Variants in RBM47 observed in about 807,000 individuals in gnomAD.
RBM47 encodes RNA-binding protein 47.
Under a neutral mutation model 47.1 loss-of-function variants are expected in RBM47, and 21 were observed. The ratio of observed to expected loss-of-function variants is 0.45; its 90% confidence interval spans 0.32 to 0.64. The LOEUF (loss-of-function observed/expected upper bound fraction) is 0.64. RBM47 is among the 30% of genes least tolerant of loss of function. RBM47 has a pLI of 0.05. For synonymous variants in RBM47, 375 were observed against 361.7 expected, an observed-to-expected ratio of 1.04 and a Z score of -0.42; for missense variants, 708 against 870.9, an observed-to-expected ratio of 0.81 and a Z score of 2.35.
At chr4:40,470,193 T>C (rs1718644550) in intron 2 of RBM47, among the ~76,000 whole-genome samples, 1 of 152,106 alleles carries the variant, frequency 6.6e-6, no homozygotes, top group Admixed American at 6.5e-5. Flanking sequence ...TTCCAGACAT[T>C]AATGGCGTTA....
chr4:40,431,244 G>A (rs1715943906), intron 6 of RBM47, among the ~76,000 whole-genome samples: 1 of 152,152 alleles, frequency 6.6e-6, no homozygotes, highest in Non-Finnish European at 1.5e-5. Flanking sequence ...TGTCCTATAA[G>A]GTGAAGATAC....
chr4:40,434,003 GTGTGTGT>G lies in RBM47; in HGVS notation c.1331-1148_1331-1142del, dbSNP rs796975461. ...GTGAGTGTGTGTGTGTGGGGCGGGG[GTGTGTGT>G]GTGTGTGTGTGTGTGTGTGTGTGTG... On this transcript the variant is annotated intron_variant, in intron 5 of 6. Coordinates refer to ENST00000295971, the MANE Select transcript of RBM47 (RefSeq NM_001098634.2). Among the ~76,000 whole-genome samples, 208 of 80,094 alleles carry G rather than the reference GTGTGTGT, an allele frequency of 2.6e-3. 23 individuals carry two copies. Among genetic ancestry groups the G allele is most frequent in the African/African-American group, 6.4e-3 (117 of 18,284 alleles). 52.5% of individuals were successfully genotyped at this position (80,094 alleles called of 152,430 possible). A position where few individuals can be genotyped will look rare whatever the true frequency, so the allele number is the denominator to read the frequency against.
chr4:40,487,455 A>C (rs1721256262), intron 2 of RBM47, among the ~76,000 whole-genome samples: 1 of 152,002 alleles, frequency 6.6e-6, no homozygotes, highest in African/African-American at 2.4e-5. Context: ...ATGCCCAGCT[A>C]ATTTTTGTAT....
chr4:40,455,474 C>G (rs374187635), intron 3 of RBM47: 1 of 152,076 alleles, frequency 6.6e-6, no homozygotes, highest in African/African-American at 2.4e-5. Context: ...TTAAAAAGTA[C>G]CTGGCTGGTT....
intron 1 of RBM47, among the ~76,000 whole-genome samples, chr4:40,629,079 T>C (rs1737995293): frequency 6.6e-6 from 1 of 152,064 alleles, no homozygotes; most frequent in Non-Finnish European, 1.5e-5. Context: ...CCTGTGCTTC[T>C]GGGCGGTCCA....
At chr4:40,457,290 C>T (rs914313691) in intron 3 of RBM47, among the ~76,000 whole-genome samples, 2 of 151,554 alleles carry the variant, frequency 1.3e-5, no homozygotes, top group Non-Finnish European at 2.9e-5. Flanking sequence ...GCGTGGTGGC[C>T]TGGTGCCTGT....
chr4:40,432,697 G>C lies in RBM47; in HGVS notation c.1496C>G (p.Ala499Gly), dbSNP rs370564777. 53 of 1,591,504 alleles carry C rather than the reference G, an allele frequency of 3.3e-5. No homozygotes were observed. The highest frequency in any genetic ancestry group is 4.4e-5 in the Non-Finnish European group (51 of 1,165,502). ...AAAAAAAAAA[A>G]AAAVIPTVST... ...CACAGTGGGAATGACAGCGGCTGCG[G>C]CGGCTGCGGCCGCGGCTGCGGCGGC... is the stretch of plus-strand genomic sequence containing the variant. Residue 499 changes from alanine to glycine, a missense_variant, in exon 6 of 7, where the codon GCC becomes GGC. Coordinates refer to ENST00000295971, the MANE Select transcript of RBM47 (RefSeq NM_001098634.2).
At chr4:40,459,634 C>T (rs968493609) in intron 3 of RBM47, among the ~76,000 whole-genome samples, 2 of 152,106 alleles carry the variant, frequency 1.3e-5, no homozygotes, top group Non-Finnish European at 2.9e-5. Context: ...GAACTGGGTA[C>T]AAATAGTCAT....
At chr4:40,433,655 T>C (rs2154210644) in intron 5 of RBM47, among the ~76,000 whole-genome samples, 1 of 152,210 alleles carries the variant, frequency 6.6e-6, no homozygotes, top group East Asian at 1.9e-4. Context: ...TTCACCACTA[T>C]TTAAGAAACA....
chr4:40,592,576 C>T (rs1434437305), intron 1 of RBM47, among the ~76,000 whole-genome samples: 1 of 151,810 alleles, frequency 6.6e-6, no homozygotes, highest in Non-Finnish European at 1.5e-5. Context: ...AGGCATGCGA[C>T]ACCATGCACG....
At chr4:40,437,635 T>A in intron 4 of RBM47, 136 bp downstream of exon 4, 1 of 855,136 alleles carries the variant, frequency 1.2e-6, no homozygotes, top group Admixed American at 2.8e-5. Context: ...AGACCCAGAA[T>A]GCAAACCCAA....
chr4:40,442,142 TTGTTCACA>T (rs1260985814), intron 3 of RBM47, among the ~76,000 whole-genome samples: 1 of 152,228 alleles, frequency 6.6e-6, no homozygotes, highest in Non-Finnish European at 1.5e-5. Flanking sequence ...ATTTATCTTA[TTGTTCACA>T]TGTTCTTATA....
At chr4:40,508,886 C>T (rs1724484371) in intron 2 of RBM47, among the ~76,000 whole-genome samples, 1 of 152,156 alleles carries the variant, frequency 6.6e-6, no homozygotes, top group African/African-American at 2.4e-5. Context: ...TTCGGCCAGG[C>T]GCAGTGGCTC....
At chr4:40,458,154 A>T (rs1716575111) in intron 3 of RBM47, among the ~76,000 whole-genome samples, 1 of 152,252 alleles carries the variant, frequency 6.6e-6, no homozygotes, top group Non-Finnish European at 1.5e-5. Context: ...GAATACATGT[A>T]CAATATGCAC....
intron 2 of RBM47, among the ~76,000 whole-genome samples, chr4:40,536,727 T>G (rs1249198097): frequency 2.0e-5 from 3 of 151,942 alleles, no homozygotes; most frequent in African/African-American, 7.3e-5. Context: ...GTTTTTGTTT[T>G]TTTTTTATTG....
intron 3 of RBM47, among the ~76,000 whole-genome samples, chr4:40,454,794 A>G (rs942143003): frequency 2.0e-5 from 3 of 152,182 alleles, no homozygotes; most frequent in African/African-American, 7.2e-5. Context: ...ACGCCTGGCC[A>G]TACTGCCCCT....
chr4:40,630,450 G>A (rs1738127912), upstream of RBM47: 3 of 152,190 alleles, frequency 2.0e-5, no homozygotes, highest in Admixed American at 2.0e-4. Context: ...GCGAGCTCCC[G>A]GGGCGTCCTT....
intron 1 of RBM47, among the ~76,000 whole-genome samples, chr4:40,624,363 G>A (rs891282512): frequency 2.6e-5 from 4 of 152,106 alleles, no homozygotes; most frequent in African/African-American, 9.7e-5. Flanking sequence ...CCTAAAATCT[G>A]CATCTTTACT....
intron 2 of RBM47, among the ~76,000 whole-genome samples, chr4:40,469,244 A>T (rs1286340734): frequency 2.0e-5 from 3 of 152,214 alleles, no homozygotes; most frequent in Non-Finnish European, 4.4e-5. Context: ...TTATTAATAT[A>T]TAAATGAAAC....
Sources: gnomAD v4.1 joint callset for allele counts (sites outside exome capture counted in the v4.1 genomes callset) on GRCh38, gnomAD v4.1.1 for gene constraint, MANE v1.5 for transcripts, NCBI Gene and HGNC (gene_info 2026-07-23, HGNC 2026-07-21) for gene names.